The following F13A1 variants were observed in gnomAD, a reference collection of about 807,000 sequenced individuals.
F13A1 encodes coagulation factor XIII A chain.
In F13A1, 47 loss-of-function variants were observed where a neutral mutation model predicts 80.1. That is an observed-to-expected ratio of 0.59 (90% CI 0.46 to 0.75). The LOEUF is 0.75. F13A1 is among the 30% of genes least tolerant of loss of function. The pLI, the probability that F13A1 is intolerant of heterozygous loss-of-function variation, is 0.00. For synonymous variants in F13A1, 349 were observed against 344.9 expected, an observed-to-expected ratio of 1.01 and a Z score of -0.13; for missense variants, 817 against 930.4, an observed-to-expected ratio of 0.88 and a Z score of 1.59.
intron 3 of F13A1, among the ~76,000 whole-genome samples, chr6:6,280,325 C>T (rs1464981433): frequency 6.6e-6 from 1 of 152,038 alleles, no homozygotes; most frequent in Non-Finnish European, 1.5e-5. Flanking sequence ...AATACTAATG[C>T]CACATGAGAA....
chr6:6,241,302 G>A, intron 6 of F13A1, among the ~76,000 whole-genome samples: 1 of 152,004 alleles, frequency 6.6e-6, no homozygotes, highest in East Asian at 1.9e-4. Context: ...GGCTGTTGTC[G>A]CTTTTATAAA....
intron 3 of F13A1, among the ~76,000 whole-genome samples, chr6:6,278,635 T>C (rs1758020884): frequency 6.7e-6 from 1 of 150,360 alleles, no homozygotes; most frequent in African/African-American, 2.5e-5. Flanking sequence ...GAGGGAATTG[T>C]GGGAGATGAG....
At chr6:6,302,546 T>G (rs566168663) in intron 3 of F13A1, among the ~76,000 whole-genome samples, 7 of 152,058 alleles carry the variant, frequency 4.6e-5, no homozygotes, top group African/African-American at 1.4e-4. Flanking sequence ...ATATAAAAAG[T>G]AAAAAATGGT....
chr6:6,233,733 C>A (rs1303203181), intron 6 of F13A1, among the ~76,000 whole-genome samples: 1 of 152,058 alleles, frequency 6.6e-6, no homozygotes, highest in Non-Finnish European at 1.5e-5. Context: ...AACAACATAT[C>A]AAAAAGATAA....
At chr6:6,217,307 A>G (rs1757107402) in intron 8 of F13A1, among the ~76,000 whole-genome samples, 3 of 152,146 alleles carry the variant, frequency 2.0e-5, no homozygotes, top group Non-Finnish European at 4.4e-5. Context: ...GACTGGATTA[A>G]GAATATGTGG....
chr6:6,200,832 G>GTACAGA (rs1761379633), intron 8 of F13A1, among the ~76,000 whole-genome samples: 1 of 152,148 alleles, frequency 6.6e-6, no homozygotes, highest in Non-Finnish European at 1.5e-5. Flanking sequence ...GTGGATTAGG[G>GTACAGA]TGAAGGTGTG....
chr6:6,183,977 T>A (rs1343464943), intron 10 of F13A1, among the ~76,000 whole-genome samples: 2 of 152,202 alleles, frequency 1.3e-5, no homozygotes, highest in Non-Finnish European at 1.5e-5. Context: ...CATTAGGTAA[T>A]GGGGAAACTT....
At chr6:6,190,294 G>A (rs1404160649) in intron 10 of F13A1, among the ~76,000 whole-genome samples, 1 of 152,232 alleles carries the variant, frequency 6.6e-6, no homozygotes, top group African/African-American at 2.4e-5. Context: ...GAGGAGGAGA[G>A]GCGCTCTTCT....
At chr6:6,319,092 C>T (rs1050705612) in intron 1 of F13A1, among the ~76,000 whole-genome samples, 2 of 152,316 alleles carry the variant, frequency 1.3e-5, no homozygotes, top group Non-Finnish European at 2.9e-5. Context: ...TTATAAGTCA[C>T]TTTTAAGAAT....
At chr6:6,163,510 G>C (rs958341679) in intron 13 of F13A1, among the ~76,000 whole-genome samples, 2 of 152,052 alleles carry the variant, frequency 1.3e-5, no homozygotes, top group Non-Finnish European at 2.9e-5. Flanking sequence ...CCCTCCAATA[G>C]GACCCTGTGT....
chr6:6,300,788 C>T (rs954588758), intron 3 of F13A1, among the ~76,000 whole-genome samples: 4 of 150,688 alleles, frequency 2.7e-5, no homozygotes, highest in African/African-American at 9.8e-5. Flanking sequence ...TTTAAGTGCC[C>T]TTTATTTTTA....
chr6:6,288,437 G>A (rs1172845188), intron 3 of F13A1, among the ~76,000 whole-genome samples: 2 of 152,094 alleles, frequency 1.3e-5, no homozygotes, highest in African/African-American at 4.8e-5. Flanking sequence ...ATCTTTCTGT[G>A]CCTGGCTTAT....
At chr6:6,240,536 C>A (rs1293284079) in intron 6 of F13A1, among the ~76,000 whole-genome samples, 1 of 152,124 alleles carries the variant, frequency 6.6e-6, no homozygotes, top group Non-Finnish European at 1.5e-5. Flanking sequence ...AACTCATGAC[C>A]CACCCCCAGT....
At chr6:6,164,651 TCCC>T (rs1303754713) in intron 13 of F13A1, among the ~76,000 whole-genome samples, 2 of 150,032 alleles carry the variant, frequency 1.3e-5, no homozygotes, top group East Asian at 4.0e-4. Flanking sequence ...TTTTCTCTTC[TCCC>T]CCCCATTCTC....
chr6:6,273,932 A>T (rs114824074), intron 3 of F13A1, among the ~76,000 whole-genome samples: 200 of 152,368 alleles, frequency 1.3e-3, no homozygotes, highest in African/African-American at 4.6e-3. Context: ...AAAGGCACAG[A>T]AATCATGGAT....
rs1757512980 is a variant in F13A1 at position 6,243,411 on chromosome 6, C to T, written c.798+4901G>A. On this transcript the variant is annotated intron_variant, in intron 6 of 14. Transcript: ENST00000264870. The surrounding 1 kb of genome is among the most constrained non-coding windows in gnomAD (Gnocchi z 4.2). ...TATCATATCATATTTGGTACCTGATCGTCTTTGGAAGCTCATTCTCCAGGG... is the reference window on the plus strand; with the variant it reads ...TATCATATCATATTTGGTACCTGATTGTCTTTGGAAGCTCATTCTCCAGGG... Among the ~76,000 whole-genome samples, 1 of 152,160 alleles carries T rather than the reference C, an allele frequency of 6.6e-6. No homozygotes were observed. The highest frequency in any genetic ancestry group is 1.5e-5 in the Non-Finnish European group (1 of 68,032).
intron 13 of F13A1, among the ~76,000 whole-genome samples, chr6:6,164,651 T>TC (rs1303754713): frequency 1.3e-5 from 2 of 149,910 alleles, no homozygotes; most frequent in Admixed American, 6.7e-5. Context: ...TTTTCTCTTC[T>TC]CCCCCCCATT....
At chr6:6,160,279 A>G (rs1302484805) in intron 13 of F13A1, among the ~76,000 whole-genome samples, 1 of 150,820 alleles carries the variant, frequency 6.6e-6, no homozygotes, top group Non-Finnish European at 1.5e-5. Flanking sequence ...TCCATCTAAA[A>G]AAAAAAAAGG....
intron 10 of F13A1, among the ~76,000 whole-genome samples, chr6:6,183,357 T>A (rs1298976144): frequency 6.6e-6 from 1 of 152,244 alleles, no homozygotes; most frequent in Non-Finnish European, 1.5e-5. Context: ...GTAAATGTTA[T>A]TGATAATAAT....
Sources: allele counts gnomAD v4.1 joint callset (sites outside exome capture counted in the v4.1 genomes callset), GRCh38; gene constraint gnomAD v4.1.1; non-coding constraint Gnocchi (gnomAD v3.1); transcripts MANE v1.5; gene names NCBI Gene and HGNC (gene_info 2026-07-23, HGNC 2026-07-21).